JAZF1: variants seen among roughly 807,000 people sequenced by gnomAD.
JAZF1 encodes the protein juxtaposed with another zinc finger protein 1.
JAZF1 carries 8 observed loss-of-function variants against 26.4 expected under a neutral mutation model. That is an observed-to-expected ratio of 0.30 (90% CI 0.18 to 0.55). The LOEUF (loss-of-function observed/expected upper bound fraction) is 0.55. Among genes scored for constraint, JAZF1 ranks in the 20% least tolerant of loss-of-function variants. The probability of loss-of-function intolerance (pLI) is 0.94; values close to 1 mark genes in which losing one functional copy is unlikely to be tolerated. For missense variants in JAZF1, 199 were observed against 322.0 expected, an observed-to-expected ratio of 0.62 and a Z score of 2.92; for synonymous variants, 126 against 122.3, an observed-to-expected ratio of 1.03 and a Z score of -0.20.
At chr7:27,943,721 A>G (rs369923979) in intron 2 of JAZF1, among the ~76,000 whole-genome samples, 20 of 152,228 alleles carry the variant, frequency 1.3e-4, no homozygotes, top group African/African-American at 4.3e-4. Context: ...TAAAGTGAGC[A>G]TGCCTGTGCT....
chr7:27,944,660 T>C (rs1288298859), intron 2 of JAZF1, among the ~76,000 whole-genome samples: 2 of 152,224 alleles, frequency 1.3e-5, no homozygotes, highest in Non-Finnish European at 2.9e-5. Context: ...TTTATTGTTT[T>C]TGGTAAAGTC....
intron 4 of JAZF1, among the ~76,000 whole-genome samples, chr7:27,834,892 C>G (rs1327226639): frequency 2.6e-5 from 4 of 152,154 alleles, no homozygotes; most frequent in African/African-American, 9.7e-5. Context: ...GTGAGAGAGA[C>G]AGAAAGAGAG....
At chr7:27,856,157 T>C (rs1783245767) in intron 3 of JAZF1, among the ~76,000 whole-genome samples, 2 of 152,230 alleles carry the variant, frequency 1.3e-5, no homozygotes, top group Non-Finnish European at 2.9e-5. Context: ...AGTTTGTTCC[T>C]TCTGATGTTT....
chr7:28,015,735 A>G (rs1365390262), intron 1 of JAZF1, among the ~76,000 whole-genome samples: 1 of 152,240 alleles, frequency 6.6e-6, no homozygotes, highest in Non-Finnish European at 1.5e-5. Flanking sequence ...CTGTGCTTAC[A>G]GCAGGCCTGA....
intron 3 of JAZF1, among the ~76,000 whole-genome samples, chr7:27,854,833 T>G (rs1262282517): frequency 6.6e-6 from 1 of 152,210 alleles, no homozygotes; most frequent in African/African-American, 2.4e-5. Context: ...CTGACAATTA[T>G]GTGTCTTGGG....
chr7:28,105,429 C>T (rs969296482), intron 1 of JAZF1, among the ~76,000 whole-genome samples: 3 of 152,166 alleles, frequency 2.0e-5, no homozygotes, highest in African/African-American at 4.8e-5. Context: ...GAACACATAA[C>T]GGTTTTCGAG....
At chr7:28,176,910 CCCAGTTA>C (rs2127956174) in intron 1 of JAZF1, among the ~76,000 whole-genome samples, 1 of 152,062 alleles carries the variant, frequency 6.6e-6, no homozygotes, top group African/African-American at 2.4e-5. Flanking sequence ...TTCTAAGATT[CCCAGTTA>C]CCAGTTTAAC....
intron 1 of JAZF1, among the ~76,000 whole-genome samples, chr7:28,093,253 G>T (rs955480290): frequency 6.6e-6 from 1 of 152,108 alleles, no homozygotes; most frequent in Non-Finnish European, 1.5e-5. Context: ...TCCTGGGGGC[G>T]GTTTCCCCCA....
chr7:27,982,484 C>T, intron 2 of JAZF1, among the ~76,000 whole-genome samples: 1 of 152,148 alleles, frequency 6.6e-6, no homozygotes, highest in South Asian at 2.1e-4. Context: ...CACCACAGCT[C>T]AAGGAGGTCC....
At chr7:28,032,395 T>C (rs769277558) in intron 1 of JAZF1, among the ~76,000 whole-genome samples, 20 of 152,354 alleles carry the variant, frequency 1.3e-4, no homozygotes, top group Non-Finnish European at 2.1e-4. Flanking sequence ...CTGGCTTTCT[T>C]TGTAAGACTC....
chr7:27,954,569 C>G (rs1785056653), intron 2 of JAZF1, among the ~76,000 whole-genome samples: 1 of 152,110 alleles, frequency 6.6e-6, no homozygotes, highest in Non-Finnish European at 1.5e-5. Flanking sequence ...ATATAAAGGT[C>G]AAATTCAGCA....
chr7:27,994,063 T>C (rs73683929), intron 1 of JAZF1, among the ~76,000 whole-genome samples: 4,266 of 152,250 alleles, frequency 0.028, 197 homozygotes, highest in African/African-American at 0.098. Flanking sequence ...AAATATTACC[T>C]CTCCAGACTA....
At chr7:28,147,656 TG>T (rs1402141826) in intron 1 of JAZF1, among the ~76,000 whole-genome samples, 3 of 149,424 alleles carry the variant, frequency 2.0e-5, no homozygotes, top group Non-Finnish European at 4.4e-5. Flanking sequence ...AAGACCAGCC[TG>T]GGCAACACGG....
At chr7:28,076,599 C>G (rs1000681010) in intron 1 of JAZF1, among the ~76,000 whole-genome samples, 9 of 151,642 alleles carry the variant, frequency 5.9e-5, no homozygotes, top group Non-Finnish European at 1.5e-5. Context: ...TCTATCTGCA[C>G]CAACATGAGA....
intron 3 of JAZF1, among the ~76,000 whole-genome samples, chr7:27,853,265 C>A (rs1783184967): frequency 6.6e-6 from 1 of 152,160 alleles, no homozygotes; most frequent in Admixed American, 6.5e-5. Flanking sequence ...GGTTTTTGTT[C>A]AATGTTGTTT....
chr7:28,040,935 C>A (rs1395181092), intron 1 of JAZF1, among the ~76,000 whole-genome samples: 1 of 152,018 alleles, frequency 6.6e-6, no homozygotes, highest in African/African-American at 2.4e-5. Context: ...ACATAGCAGA[C>A]ACTATGTTCC....
chr7:27,967,904 T>C (rs1297732484), intron 2 of JAZF1, among the ~76,000 whole-genome samples: 1 of 152,230 alleles, frequency 6.6e-6, no homozygotes, highest in Non-Finnish European at 1.5e-5. Flanking sequence ...TTTAAACAGT[T>C]TAACTGGTTG....
chr7:27,963,369 A>G (rs1192917310), intron 2 of JAZF1, among the ~76,000 whole-genome samples: 2 of 151,984 alleles, frequency 1.3e-5, no homozygotes, highest in Admixed American at 6.6e-5. Flanking sequence ...TTGGATGAGG[A>G]AAAAAAACTA....
intron 1 of JAZF1, among the ~76,000 whole-genome samples, chr7:28,169,283 G>T (rs868413872): frequency 2.6e-5 from 4 of 152,236 alleles, no homozygotes; most frequent in Admixed American, 2.6e-4. Context: ...TGAAAGTGCT[G>T]AAGTGGAGCC....
Sources: gnomAD v4.1 joint callset for allele counts (sites outside exome capture counted in the v4.1 genomes callset) on GRCh38, gnomAD v4.1.1 for gene constraint, MANE v1.5 for transcripts, NCBI Gene and HGNC (gene_info 2026-07-23, HGNC 2026-07-21) for gene names.